TIAM2: variants seen among roughly 807,000 people sequenced by gnomAD.
TIAM2 encodes the protein TIAM Rac1 associated GEF 2.
Under a neutral mutation model 152.9 loss-of-function variants are expected in TIAM2, and 80 were observed. The observed-to-expected ratio is 0.52, with a 90% CI of 0.44 to 0.63. TIAM2 has a LOEUF of 0.63. Among genes scored for constraint, TIAM2 ranks in the 30% least tolerant of loss-of-function variants. The pLI, the probability that TIAM2 is intolerant of heterozygous loss-of-function variation, is 0.00. For synonymous variants in TIAM2, 804 were observed against 838.0 expected (o/e 0.96, Z 0.70); for missense variants, 1,965 against 2,120.1 (o/e 0.93, Z 1.44).
intron 2 of TIAM2, among the ~76,000 whole-genome samples, chr6:155,119,871 C>G (rs1012648462): frequency 7.9e-5 from 12 of 152,192 alleles, no homozygotes; most frequent in African/African-American, 2.9e-4. Flanking sequence ...AAATTTTACT[C>G]TTACTGGGAT....
chr6:155,030,231 G>T (rs1433453497), intron 1 of TIAM2, among the ~76,000 whole-genome samples: 1 of 152,144 alleles, frequency 6.6e-6, no homozygotes, highest in East Asian at 1.9e-4. Context: ...ATGGGATGAG[G>T]CAGGCCAGAT....
intron 1 of TIAM2, among the ~76,000 whole-genome samples, chr6:155,027,905 A>ATAATAC (rs778529918): frequency 2.3e-5 from 2 of 88,152 alleles, no homozygotes; most frequent in African/African-American, 1.2e-4. Flanking sequence ...TATACTATAT[A>ATAATAC]ATATGTACTG....
intron 14 of TIAM2, among the ~76,000 whole-genome samples, chr6:155,187,591 T>TTTTTTTTTTTTTTTTTTTTTTTTTTTTA (rs1781077072): frequency 7.3e-6 from 1 of 137,732 alleles, no homozygotes; most frequent in Non-Finnish European, 1.6e-5. Flanking sequence ...TTTTTTTTTT[T>TTTTTTTTTTTTTTTTTTTTTTTTTTTTA]TTTTTGAGAT....
rs780315504 is a variant in TIAM2, at chr6:155,257,133, C to A, written c.*12C>A. 2.5e-6 allele frequency: 4 copies of A among 1,607,854 alleles called. No individual in the cohort carries two copies. In the African/African-American group the frequency reaches 5.5e-5, roughly 22 times the overall value. On this transcript the variant is annotated 3_prime_UTR_variant, in exon 27 of 27. Transcript: ENST00000682666. Reference sequence around the variant, plus strand: ...ACGGAAAATCATAGTATGATTCAATCCAGATATGGGTTAAATTCCTCATTT... The same window carrying A: ...ACGGAAAATCATAGTATGATTCAATACAGATATGGGTTAAATTCCTCATTT...
At chr6:155,081,097 GA>G (rs2114966511) in intron 1 of TIAM2, among the ~76,000 whole-genome samples, 1 of 152,294 alleles carries the variant, frequency 6.6e-6, no homozygotes, top group East Asian at 1.9e-4. Flanking sequence ...CTACAGGAAG[GA>G]AAAGTGTGAC....
chr6:155,090,560 G>A (rs1166770351), intron 2 of TIAM2, among the ~76,000 whole-genome samples, 181 bp downstream of exon 2: 2 of 152,162 alleles, frequency 1.3e-5, no homozygotes, highest in East Asian at 1.9e-4. Flanking sequence ...CAAGCAACAG[G>A]GCTCCAGAGC....
intron 1 of TIAM2, among the ~76,000 whole-genome samples, chr6:155,068,745 A>G (rs1334558273): frequency 6.6e-6 from 1 of 151,946 alleles, no homozygotes; most frequent in African/African-American, 2.4e-5. Context: ...GTTTTAAATA[A>G]CATTTTACTT....
At chr6:155,230,261 C>T (rs1019706054) in intron 15 of TIAM2, among the ~76,000 whole-genome samples, 49 of 152,220 alleles carry the variant, frequency 3.2e-4, no homozygotes, top group Non-Finnish European at 7.3e-5. Context: ...TTGTGGTGTC[C>T]ACAGTTCCTA....
chr6:155,219,397 T>G (rs1365886533), intron 15 of TIAM2, among the ~76,000 whole-genome samples: 1 of 151,560 alleles, frequency 6.6e-6, no homozygotes, highest in Non-Finnish European at 1.5e-5. Flanking sequence ...GAGGAGGGCT[T>G]GCAGACTTTG....
chr6:155,172,659 TATATATATATATATATATATA>T lies in TIAM2; in HGVS notation c.2362-4156_2362-4136del, dbSNP rs1441598812. 1.4e-3 allele frequency among the ~76,000 whole-genome samples: 13 copies of T among 9,032 alleles called. 1 individual carries two copies. Among genetic ancestry groups the T allele is most frequent in the African/African-American group, 3.1e-3 (11 of 3,560 alleles). The allele number at this position is 9,032 out of a possible 152,430, so 5.9% of individuals were successfully genotyped here. On this transcript the variant is annotated intron_variant, in intron 9 of 26. Coordinates refer to ENST00000682666, the MANE Select transcript of TIAM2 (RefSeq NM_012454.4). ...AGTTGGAAATATATATATATATATA[TATATATATATATATATATATA>T]TATATATTTTTTTTTTTTTTTTTTT...
At position 155,127,601 on chromosome 6, in the gene TIAM2, G is replaced by A. The variant is rs983818383; in HGVS notation, c.-7+1G>A. ...CCTCACAGCAGAAACTAGACGTCAG[G>A]TAAACCCAACCCTTGTGCCTGGGGG... On this transcript the variant is annotated splice_donor_variant, in intron 3 of 26. Transcript: ENST00000682666. LOFTEE classifies it low-confidence loss of function (5UTR_SPLICE). 7.0e-5 allele frequency: 32 copies of A among 455,910 alleles called. 1 individual carries two copies. The highest frequency in any genetic ancestry group is 6.8e-4 in the Admixed American group (29 of 42,544). The allele number at this position is 455,910 out of a possible 1,614,324, so 28.2% of individuals were successfully genotyped here.
chr6:155,248,763 T>TGCAGTTTGATAGTAAAAA (rs1783480717), intron 20 of TIAM2, among the ~76,000 whole-genome samples: 4 of 152,202 alleles, frequency 2.6e-5, no homozygotes, highest in Non-Finnish European at 5.9e-5. Flanking sequence ...TGATAGTAAA[T>TGCAGTTTGATAGTAAAAA]AGAGGATCCT....
intron 9 of TIAM2, among the ~76,000 whole-genome samples, chr6:155,171,309 C>T (rs1266336087): frequency 1.3e-5 from 2 of 152,144 alleles, no homozygotes; most frequent in African/African-American, 2.4e-5. Flanking sequence ...CTTTTCATAA[C>T]GAACGTCTGG....
At chr6:155,059,905 A>G (rs889919029) in intron 1 of TIAM2, among the ~76,000 whole-genome samples, 6 of 152,220 alleles carry the variant, frequency 3.9e-5, no homozygotes, top group Admixed American at 3.9e-4. Context: ...TGGAGGGAGC[A>G]GTGTGAAATA....
At chr6:155,124,113 G>A (rs545602961) in intron 2 of TIAM2, among the ~76,000 whole-genome samples, 68 of 152,230 alleles carry the variant, frequency 4.5e-4, no homozygotes, top group African/African-American at 1.4e-3. Flanking sequence ...TCTGCCTCCC[G>A]ATTCAAGCAA....
At chr6:155,070,315 G>A (rs1777813487) in intron 1 of TIAM2, among the ~76,000 whole-genome samples, 1 of 136,472 alleles carries the variant, frequency 7.3e-6, no homozygotes, top group African/African-American at 2.8e-5. Context: ...CTGCCTCCCG[G>A]GTTCAAACGA....
At chr6:155,134,582 G>A (rs1194718517) in intron 4 of TIAM2, among the ~76,000 whole-genome samples, 10 of 152,168 alleles carry the variant, frequency 6.6e-5, no homozygotes, top group Non-Finnish European at 8.8e-5. Context: ...GGCCCTTGCA[G>A]GGTATCAGAG....
intron 1 of TIAM2, among the ~76,000 whole-genome samples, chr6:155,014,551 T>C (rs1212719783): frequency 6.6e-6 from 1 of 152,222 alleles, no homozygotes; most frequent in East Asian, 1.9e-4. Context: ...AATTGTAAGA[T>C]GATTCTTTGC....
At chr6:155,190,741 A>G (rs1408886916) in intron 14 of TIAM2, among the ~76,000 whole-genome samples, 3 of 152,158 alleles carry the variant, frequency 2.0e-5, no homozygotes, top group African/African-American at 7.2e-5. Flanking sequence ...CAGGTCTCCT[A>G]TGAAGGTAGA....
Sources: allele counts gnomAD v4.1 joint callset (sites outside exome capture counted in the v4.1 genomes callset), GRCh38; gene constraint gnomAD v4.1.1; transcripts MANE v1.5; gene names NCBI Gene and HGNC (gene_info 2026-07-23, HGNC 2026-07-21).